The following SPATA16 variants were observed in gnomAD, a reference collection of about 807,000 sequenced individuals.
SPATA16 encodes spermatogenesis-associated protein 16.
Under a neutral mutation model 63.3 loss-of-function variants are expected in SPATA16, and 36 were observed. The ratio of observed to expected loss-of-function variants is 0.57; its 90% confidence interval spans 0.44 to 0.75. SPATA16 has a LOEUF of 0.75. Ranked by LOEUF, SPATA16 falls within the 30% of genes least tolerant of loss-of-function variation. The pLI is 0.00. For missense variants in SPATA16, 646 were observed against 679.3 expected (o/e 0.95, Z 0.54); for synonymous variants, 203 against 216.7 (o/e 0.94, Z 0.56).
intron 2 of SPATA16, among the ~76,000 whole-genome samples, chr3:173,058,101 A>T (rs1289358926): frequency 6.6e-6 from 1 of 152,298 alleles, no homozygotes; most frequent in South Asian, 2.1e-4. Context: ...GACTAAATCT[A>T]TATGAATTTC....
intron 10 of SPATA16, among the ~76,000 whole-genome samples, chr3:172,904,350 A>C (rs1467722476): frequency 6.6e-6 from 1 of 152,222 alleles, no homozygotes; most frequent in Non-Finnish European, 1.5e-5. Context: ...TTTGTGGGGT[A>C]ATACAGTATT....
chr3:172,954,572 C>T (rs1733527707), intron 6 of SPATA16, among the ~76,000 whole-genome samples: 1 of 152,180 alleles, frequency 6.6e-6, no homozygotes, highest in South Asian at 2.1e-4. Context: ...ACTGATGCAG[C>T]TCTAATCACC....
At chr3:173,055,916 AAAT>A (rs1189710430) in intron 2 of SPATA16, among the ~76,000 whole-genome samples, 2 of 152,202 alleles carry the variant, frequency 1.3e-5, no homozygotes, top group African/African-American at 2.4e-5. Flanking sequence ...ATTTAATTAA[AAAT>A]AATAATGTTA....
chr3:172,958,962 G>A (rs1733672256), intron 5 of SPATA16, among the ~76,000 whole-genome samples: 1 of 152,120 alleles, frequency 6.6e-6, no homozygotes, highest in South Asian at 2.1e-4. Flanking sequence ...CTAGGGGTTA[G>A]GACTTCAACA....
chr3:172,981,161 C>T (rs940476148), intron 4 of SPATA16, among the ~76,000 whole-genome samples: 2 of 152,154 alleles, frequency 1.3e-5, no homozygotes, highest in Admixed American at 6.6e-5. Flanking sequence ...CTATCTTTCT[C>T]GTTGCTGTTT....
chr3:172,951,642 A>G (rs556288592), intron 6 of SPATA16, among the ~76,000 whole-genome samples: 1 of 152,034 alleles, frequency 6.6e-6, no homozygotes, highest in East Asian at 1.9e-4. Context: ...TGCCTGGAGG[A>G]CCTCCATTGT....
At chr3:173,039,949 G>A (rs1303140074) in intron 3 of SPATA16, among the ~76,000 whole-genome samples, 2 of 152,066 alleles carry the variant, frequency 1.3e-5, no homozygotes, top group Non-Finnish European at 1.5e-5. Context: ...CAATTTGGAA[G>A]GCTCCTCAGG....
intron 4 of SPATA16, among the ~76,000 whole-genome samples, chr3:173,010,536 C>T (rs1286631609): frequency 1.3e-5 from 2 of 151,820 alleles, no homozygotes; most frequent in Non-Finnish European, 1.5e-5. Flanking sequence ...TTGCTGCTGC[C>T]GTGGTCCTTA....
rs114447186 is a variant in SPATA16, at chr3:172,989,102, A to G, written c.849-12050T>C. ...TGCTCTGGAATCTTCTTTCTTTCCAATGTGTTCTGCTTGTACTAAAATCTT... is the reference window on the plus strand; with the variant it reads ...TGCTCTGGAATCTTCTTTCTTTCCAGTGTGTTCTGCTTGTACTAAAATCTT... On this transcript the variant is annotated intron_variant, in intron 4 of 10. Transcript: ENST00000351008. Among the ~76,000 whole-genome samples, 834 of 152,096 alleles carry G rather than the reference A, an allele frequency of 5.5e-3. 5 individuals are homozygous for G. The highest frequency in any genetic ancestry group is 0.019 in the African/African-American group (799 of 41,482).
intron 6 of SPATA16, among the ~76,000 whole-genome samples, chr3:172,938,925 G>A (rs1215566820): frequency 7.2e-6 from 1 of 139,468 alleles, no homozygotes; most frequent in Non-Finnish European, 1.5e-5. Context: ...GGTTCTAAAT[G>A]TCTTCCTGAG....
intron 8 of SPATA16, among the ~76,000 whole-genome samples, chr3:172,922,840 T>C (rs1732643243): frequency 6.6e-6 from 1 of 152,152 alleles, no homozygotes; most frequent in South Asian, 2.1e-4. Context: ...GAGAATCATT[T>C]GAACCCTGGA....
intron 4 of SPATA16, among the ~76,000 whole-genome samples, chr3:172,989,268 G>A (rs1405230300): frequency 6.6e-6 from 1 of 152,072 alleles, no homozygotes; most frequent in Non-Finnish European, 1.5e-5. Flanking sequence ...AGATAAGTAG[G>A]TAATTTCAGG....
intron 2 of SPATA16, among the ~76,000 whole-genome samples, chr3:173,081,515 T>C (rs1273413871): frequency 6.6e-6 from 1 of 152,126 alleles, no homozygotes; most frequent in African/African-American, 2.4e-5. Flanking sequence ...GAGACTTCCA[T>C]TGAATCGTTA....
chr3:172,961,808 A>C (rs539595494), intron 5 of SPATA16, among the ~76,000 whole-genome samples: 1 of 152,174 alleles, frequency 6.6e-6, no homozygotes, highest in Non-Finnish European at 1.5e-5. Flanking sequence ...GCAGGCACAT[A>C]ATAGGCATTT....
At chr3:173,070,867 G>T (rs1422527402) in intron 2 of SPATA16, among the ~76,000 whole-genome samples, 1 of 152,160 alleles carries the variant, frequency 6.6e-6, no homozygotes, top group East Asian at 1.9e-4. Flanking sequence ...AACCAATATG[G>T]TTAAAATGTC....
At chr3:173,086,954 G>A (rs1186354697) in intron 2 of SPATA16, among the ~76,000 whole-genome samples, 1 of 152,100 alleles carries the variant, frequency 6.6e-6, no homozygotes, top group Non-Finnish European at 1.5e-5. Context: ...CCAATAATGT[G>A]ATCAATTTTA....
chr3:172,923,995 T>C (rs1401820945), intron 8 of SPATA16, among the ~76,000 whole-genome samples: 1 of 152,244 alleles, frequency 6.6e-6, no homozygotes, highest in Non-Finnish European at 1.5e-5. Flanking sequence ...TCCTAATAAG[T>C]GCTTGAAATT....
At chr3:173,108,878 A>G (rs1737682214) in intron 2 of SPATA16, among the ~76,000 whole-genome samples, 1 of 152,348 alleles carries the variant, frequency 6.6e-6, no homozygotes, top group Non-Finnish European at 1.5e-5. Context: ...CGTATAGCCT[A>G]GGTGTGTAGT....
chr3:172,944,735 A>G (rs2109607729), intron 6 of SPATA16, among the ~76,000 whole-genome samples: 1 of 152,348 alleles, frequency 6.6e-6, no homozygotes, highest in South Asian at 2.1e-4. Flanking sequence ...AATAAGCCAG[A>G]CACAAATGGA....
Sources: gnomAD v4.1 joint callset for allele counts (sites outside exome capture counted in the v4.1 genomes callset) on GRCh38, gnomAD v4.1.1 for gene constraint, MANE v1.5 for transcripts, NCBI Gene and HGNC (gene_info 2026-07-23, HGNC 2026-07-21) for gene names.